The following PTPRS variants were observed in gnomAD, a reference collection of about 807,000 sequenced individuals.
The protein encoded by PTPRS is protein tyrosine phosphatase receptor type S, also known as receptor-type tyrosine-protein phosphatase S.
A neutral mutation model predicts 215.3 loss-of-function variants in PTPRS; 63 were observed. The observed-to-expected ratio is 0.29, with a 90% confidence interval of 0.24 to 0.36. PTPRS has a LOEUF of 0.36. PTPRS is among the 10% of genes least tolerant of loss of function. The probability of loss-of-function intolerance (pLI) is 1.00; values close to 1 mark genes in which losing one functional copy is unlikely to be tolerated. For missense variants in PTPRS, 2,258 were observed against 2,825.8 expected (o/e 0.80, Z 4.56); for synonymous variants, 1,404 against 1,191.4 (o/e 1.18, Z -3.68).
intron 37 of PTPRS, among the ~76,000 whole-genome samples, chr19:5,207,393 A>AT (rs965906554): frequency 4.0e-5 from 6 of 151,562 alleles, no homozygotes; most frequent in Admixed American, 2.0e-4. Context: ...CCTCATTTCT[A>AT]TTTTTTTTGT....
chr19:5,243,753 TA>T (rs1238879687), intron 11 of PTPRS, 147 bp downstream of exon 11: 3 of 814,102 alleles, frequency 3.7e-6, no homozygotes, highest in Non-Finnish European at 5.3e-6. Flanking sequence ...ATTACAGGCG[TA>T]AACCACCACA....
At position 5,216,619 on chromosome 19, in the gene PTPRS, G is replaced by C. The variant is rs1276848506; in HGVS notation, c.4096+101C>G. On this transcript the variant is annotated intron_variant, in intron 26 of 37. Coordinates refer to ENST00000262963, the MANE Select transcript of PTPRS (RefSeq NM_002850.4). ...ACAGGTGGGCAAAGGCCGGTGATGGGTGGGCGTGTGGACAGAGACAGGAGA... is the reference window on the plus strand; with the variant it reads ...ACAGGTGGGCAAAGGCCGGTGATGGCTGGGCGTGTGGACAGAGACAGGAGA... 1.2e-5 allele frequency: 12 copies of C among 1,020,518 alleles called. No individual in the cohort carries two copies. The East Asian group carries it at 2.9e-4, about 24-fold the overall frequency. 63.2% of individuals were successfully genotyped at this position (1,020,518 alleles called of 1,614,324 possible).
At chr19:5,213,351 G>C (rs916456797) in intron 30 of PTPRS, among the ~76,000 whole-genome samples, 9 of 69,294 alleles carry the variant, frequency 1.3e-4, no homozygotes, top group African/African-American at 3.2e-4. Context: ...AGGCCCACAG[G>C]ATCCTGCATG....
At chr19:5,309,509 G>T (rs766217818) in intron 1 of PTPRS, among the ~76,000 whole-genome samples, 1 of 152,114 alleles carries the variant, frequency 6.6e-6, no homozygotes, top group African/African-American at 2.4e-5. Context: ...CTGAAAACCC[G>T]CTATGGGCTA....
rs191651327 is a variant in PTPRS at position 5,326,753 on chromosome 19, G to A, written c.-95+13911C>T. Among the ~76,000 whole-genome samples the A allele has an allele frequency of 4.4e-4, 64 of 144,270 alleles. 1 individual carries two copies. The highest frequency in any genetic ancestry group is 3.8e-3 in the Admixed American group (54 of 14,070). The allele number at this position is 144,270 out of a possible 152,430, so 94.6% of individuals were successfully genotyped here. On this transcript the variant is annotated intron_variant, in intron 1 of 37. Coordinates refer to ENST00000262963, the MANE Select transcript of PTPRS (RefSeq NM_002850.4). The stretch of plus-strand genomic sequence containing the variant: ...AAGAGAAGAGAAAGAGAAAATGAGG[G>A]AGAAGGAAGGAGAAAGAAGGGAAGA...
chr19:5,297,249 A>G (rs2049164517), intron 1 of PTPRS, among the ~76,000 whole-genome samples: 1 of 152,132 alleles, frequency 6.6e-6, no homozygotes, highest in Non-Finnish European at 1.5e-5. Context: ...TTGGGGGGTA[A>G]TTTTTTTCAA....
intron 25 of PTPRS, among the ~76,000 whole-genome samples, chr19:5,217,738 A>C (rs757949120): frequency 6.6e-6 from 1 of 152,220 alleles, no homozygotes; most frequent in Non-Finnish European, 1.5e-5. Flanking sequence ...CTGTGAACCC[A>C]TAAGGAGAAT....
chr19:5,267,433 G>A (rs1332432438), intron 4 of PTPRS, among the ~76,000 whole-genome samples: 2 of 152,068 alleles, frequency 1.3e-5, no homozygotes, highest in African/African-American at 2.4e-5. Context: ...GAAGCAGGTG[G>A]ATCACCTGAG....
rs1311090703 is a variant in PTPRS at position 5,244,971 on chromosome 19, TTTTTC to T, written c.989-494_989-490del. Among the ~76,000 whole-genome samples the T allele has an allele frequency of 1.4e-5, 2 of 145,820 alleles. No homozygotes were observed. The highest frequency in any genetic ancestry group is 6.8e-5 in the Admixed American group (1 of 14,692). ...GTGTGAGCCACCGCACCCGGCCTTT[TTTTTC>T]TTTTTTCTTTTTTTTTTTTTTTAGA... is the stretch of plus-strand genomic sequence containing the variant. On this transcript the variant is annotated intron_variant, in intron 10 of 37. Coordinates refer to ENST00000262963, the MANE Select transcript of PTPRS (RefSeq NM_002850.4). The surrounding 1 kb of genome is among the most constrained non-coding windows in gnomAD (Gnocchi z 7.2).
chr19:5,266,258 CA>C (rs34102639), intron 4 of PTPRS, among the ~76,000 whole-genome samples: 92,138 of 150,962 alleles, frequency 0.61, 29,410 homozygotes, highest in East Asian at 0.81. Flanking sequence ...GACTCGGTCT[CA>C]AAAAAAATCA....
chr19:5,304,192 G>A (rs972598499), intron 1 of PTPRS, among the ~76,000 whole-genome samples: 1 of 152,110 alleles, frequency 6.6e-6, no homozygotes, highest in Non-Finnish European at 1.5e-5. Context: ...TTGGCCAGGC[G>A]TGGTAGCTCA....
At chr19:5,336,463 G>C (rs572864878) in intron 1 of PTPRS, among the ~76,000 whole-genome samples, 1 of 152,122 alleles carries the variant, frequency 6.6e-6, no homozygotes, top group African/African-American at 2.4e-5. Flanking sequence ...AATGTCACCT[G>C]GTGATAAGAT....
At chr19:5,313,725 T>C (rs2049782903) in intron 1 of PTPRS, among the ~76,000 whole-genome samples, 1 of 152,022 alleles carries the variant, frequency 6.6e-6, no homozygotes, top group Admixed American at 6.6e-5. Flanking sequence ...TGGAGAGCCT[T>C]TTCTCCTTCC....
intron 1 of PTPRS, among the ~76,000 whole-genome samples, chr19:5,290,087 G>A (rs2048686556): frequency 6.6e-6 from 1 of 152,262 alleles, no homozygotes; most frequent in South Asian, 2.1e-4. Flanking sequence ...CTGAGCCAGG[G>A]CTAGGGAGAA....
Position 5,257,832 on chromosome 19 carries a change from T to C in PTPRS, c.706+185A>G, listed in dbSNP as rs1489862543. The stretch of plus-strand genomic sequence containing the variant: ...AAGGGAATTTAAGCTGCCCCCATTC[T>C]ACAGGCAAGGAAACTAAGGCCCAGA... On this transcript the variant is annotated intron_variant, in intron 8 of 37. Transcript: ENST00000262963. The surrounding 1 kb of genome is among the most constrained non-coding windows in gnomAD (Gnocchi z 4.4). Among the ~76,000 whole-genome samples, 1 of 152,192 alleles carries C rather than the reference T, an allele frequency of 6.6e-6. No individual in the cohort carries two copies. The highest frequency in any genetic ancestry group is 1.5e-5 in the Non-Finnish European group (1 of 68,034).
intron 1 of PTPRS, among the ~76,000 whole-genome samples, chr19:5,320,766 C>T (rs1341031488): frequency 6.6e-6 from 1 of 152,252 alleles, no homozygotes; most frequent in South Asian, 2.1e-4. Flanking sequence ...CATGCTGAGC[C>T]CAGCCCTGAT....
intron 1 of PTPRS, among the ~76,000 whole-genome samples, chr19:5,301,775 C>T (rs2049312327): frequency 6.6e-6 from 1 of 151,916 alleles, no homozygotes. Context: ...TGCCATGTCC[C>T]AATACCCCCC....
chr19:5,340,297 C>G (rs1335212112), intron 1 of PTPRS, among the ~76,000 whole-genome samples: 1 of 150,746 alleles, frequency 6.6e-6, no homozygotes, highest in Non-Finnish European at 1.5e-5. Context: ...CTCCGCGCCT[C>G]TGCCCCGCCC....
chr19:5,304,215 T>C (rs544959919), intron 1 of PTPRS, among the ~76,000 whole-genome samples: 9 of 151,650 alleles, frequency 5.9e-5, no homozygotes, highest in South Asian at 2.1e-4. Flanking sequence ...CTTGTAATCC[T>C]AACACATTGG....
Sources: allele counts gnomAD v4.1 joint callset (sites outside exome capture counted in the v4.1 genomes callset), GRCh38; gene constraint gnomAD v4.1.1; non-coding constraint Gnocchi (gnomAD v3.1); transcripts MANE v1.5; gene names NCBI Gene and HGNC (gene_info 2026-07-23, HGNC 2026-07-21).